Variants in WDFY3 observed in about 807,000 individuals in gnomAD.
WDFY3 encodes the protein WD repeat and FYVE domain-containing protein 3.
In WDFY3, 66 loss-of-function variants were observed where a neutral mutation model predicts 409.6. That is an observed-to-expected ratio of 0.16 (90% CI 0.13 to 0.20). The LOEUF is 0.20. Ranked by LOEUF, WDFY3 falls within the 10% of genes least tolerant of loss-of-function variation. The pLI is 1.00. For synonymous variants in WDFY3, 1,521 were observed against 1,537.1 expected, an observed-to-expected ratio of 0.99 and a Z score of 0.25; for missense variants, 3,031 against 4,298.1, an observed-to-expected ratio of 0.71 and a Z score of 8.24.
intron 30 of WDFY3, among the ~76,000 whole-genome samples, chr4:84,766,972 C>T (rs1349863655): frequency 2.0e-5 from 3 of 152,170 alleles, no homozygotes. Flanking sequence ...GTTCTAGGCC[C>T]AGCTCTCCTC....
chr4:84,875,677 CATT>C (rs1762688710), intron 3 of WDFY3, among the ~76,000 whole-genome samples: 1 of 152,124 alleles, frequency 6.6e-6, no homozygotes, highest in African/African-American at 2.4e-5. Context: ...TTCTTTATAT[CATT>C]ATTCTATAAG....
At chr4:84,915,683 T>C (rs1768383826) in intron 2 of WDFY3, among the ~76,000 whole-genome samples, 1 of 152,210 alleles carries the variant, frequency 6.6e-6, no homozygotes, top group South Asian at 2.1e-4. Flanking sequence ...TAGAATTCTC[T>C]CTTTAAGCCA....
At chr4:84,724,230 T>C (rs139531043) in intron 46 of WDFY3, among the ~76,000 whole-genome samples, 196 bp downstream of exon 46, 6 of 152,308 alleles carry the variant, frequency 3.9e-5, no homozygotes, top group African/African-American at 1.2e-4. Context: ...TGATATTCAT[T>C]TGTAGGCAAT....
At chr4:84,747,722 T>G (rs1299497077) in intron 36 of WDFY3, among the ~76,000 whole-genome samples, 2 of 152,082 alleles carry the variant, frequency 1.3e-5, no homozygotes, top group African/African-American at 4.8e-5. Context: ...CTGATGGTTT[T>G]ATAAGGGGGT....
chr4:84,778,231 G>A (rs1053752427), intron 27 of WDFY3, among the ~76,000 whole-genome samples: 2 of 152,154 alleles, frequency 1.3e-5, no homozygotes, highest in Non-Finnish European at 2.9e-5. Context: ...AACTATGTTT[G>A]ACTCATGTAA....
Position 84,784,879 on chromosome 4 carries a change from TATATATATATATAC to T in WDFY3, c.4062+1086_4062+1099del, listed in dbSNP as rs1482765111. Among the ~76,000 whole-genome samples the T allele has an allele frequency of 4.8e-3, 411 of 84,792 alleles. 5 individuals carry two copies. The East Asian group carries it at 0.076, about 16-fold the overall frequency. The allele number at this position is 84,792 out of a possible 152,430, so 55.6% of individuals were successfully genotyped here. ...ATATGTATATATATATATATATATA[TATATATATATATAC>T]ACACACACACACACACACACACACA... On this transcript the variant is annotated intron_variant, in intron 24 of 67. Coordinates refer to ENST00000295888, the MANE Select transcript of WDFY3 (RefSeq NM_014991.6).
At chr4:84,834,708 T>G (rs1418123669) in intron 7 of WDFY3, among the ~76,000 whole-genome samples, 1 of 152,166 alleles carries the variant, frequency 6.6e-6, no homozygotes, top group Non-Finnish European at 1.5e-5. Flanking sequence ...GTAAGAACTC[T>G]GTTACAAAAG....
Position 84,765,954 on chromosome 4 carries a change from T to C in WDFY3, c.5044A>G (p.Thr1682Ala). Residue 1682 changes from threonine to alanine, a missense_variant, in exon 32 of 68, where the codon ACC becomes GCC. Physicochemically the swap from Thr to Ala is moderately conservative, Grantham distance 58. Around this residue, in one of 16 missense-constraint regions of WDFY3, gnomAD observed 342 missense variants for 463.7 expected, o/e 0.74. Transcript: ENST00000295888. The part of the protein sequence containing the change: ...MMFMEEHLHS[T>A]TVTAAMRILV... ...ATCCTCATGGCTGCTGTAACTGTGG[T>C]GGAATGTAAGTGTTCCTCCATAAAC... 6.2e-7 allele frequency: 1 copy of C among 1,614,038 alleles called. No homozygotes were observed. Among genetic ancestry groups the C allele is most frequent in the Non-Finnish European group, 8.5e-7 (1 of 1,179,966 alleles).
Position 84,672,896 on chromosome 4 carries a change from CCT to C in WDFY3, c.10551_10552del (p.Gly3518PhefsTer35). On this transcript the variant is annotated frameshift_variant, in exon 68 of 68. Transcript: ENST00000295888. LOFTEE classifies it high-confidence loss of function. ...ACAATTTCGAGGCCCATCTTCTGAA[CCT>C]CTCTCATGCTGTAAGTTATAATAAC... 6.2e-7 allele frequency: 1 copy of C among 1,614,114 alleles called. No homozygotes were observed. Among genetic ancestry groups the C allele is most frequent in the Non-Finnish European group, 8.5e-7 (1 of 1,179,998 alleles).
chr4:84,682,251 C>T, intron 64 of WDFY3, 123 bp downstream of exon 64: 1 of 789,842 alleles, frequency 1.3e-6, no homozygotes, highest in South Asian at 1.9e-5. Flanking sequence ...AGGCAGCAAC[C>T]ATGCTTCTCC....
chr4:84,871,777 G>A (rs1158457119), intron 3 of WDFY3, among the ~76,000 whole-genome samples: 1 of 152,068 alleles, frequency 6.6e-6, no homozygotes, highest in Non-Finnish European at 1.5e-5. Context: ...TGGGACTACA[G>A]GAGCATACCA....
At chr4:84,795,218 T>C (rs534541359) in intron 19 of WDFY3, among the ~76,000 whole-genome samples, 4 of 152,196 alleles carry the variant, frequency 2.6e-5, no homozygotes, top group South Asian at 4.1e-4. Flanking sequence ...AAAATGAAGA[T>C]ACAAAATGCA....
Position 84,751,554 on chromosome 4 carries a change from C to T in WDFY3, c.5902G>A (p.Val1968Ile). 1 of 1,614,154 alleles carries T rather than the reference C, an allele frequency of 6.2e-7. No individual in the cohort carries two copies. Among genetic ancestry groups the T allele is most frequent in the Non-Finnish European group, 8.5e-7 (1 of 1,180,024 alleles). ...AKKFVFDFMR[V>I]LIIDNLCLTP... The stretch of plus-strand genomic sequence containing the variant: ...AGACAGAGGTTGTCTATGATTAAGA[C>T]CCGCATGAAGTCAAAAACGAACTTT... Residue 1968 changes from valine (V) to isoleucine (I), a missense_variant, in exon 36 of 68, where the codon GTC (valine) becomes ATC (isoleucine). Val to Ile is a conservative substitution (Grantham distance 29, BLOSUM62 3). Coordinates refer to ENST00000295888, the MANE Select transcript of WDFY3 (RefSeq NM_014991.6).
chr4:84,944,203 A>C (rs921499821), intron 1 of WDFY3, among the ~76,000 whole-genome samples: 2 of 152,176 alleles, frequency 1.3e-5, no homozygotes, highest in African/African-American at 4.8e-5. Flanking sequence ...GTCTTTAATT[A>C]TTCCAAAATT....
At chr4:84,766,114 G>C in intron 31 of WDFY3, 87 bp from the exon 32 acceptor site, 1 of 1,517,912 alleles carries the variant, frequency 6.6e-7, no homozygotes, top group Non-Finnish European at 8.9e-7. Context: ...AAAGAAGACT[G>C]AGTTTCATTC....
At position 84,820,185 on chromosome 4, in the gene WDFY3, C is replaced by T. The variant is rs1023080022; in HGVS notation, c.1593G>A (p.Gly531=). Residue 531 remains glycine, a splice_region_variant and synonymous_variant, in exon 12 of 68, where the codon GGG becomes GGA. Coordinates refer to ENST00000295888, the MANE Select transcript of WDFY3 (RefSeq NM_014991.6). ...KDPTQALNEQ[G]DSRNNSSVED... ...CAACTGAACTATTATTTCTTGAGTC[C>T]CCTAAAAAAAGGTTCAAAGGTCCAA... The T allele has an allele frequency of 3.8e-6, 6 of 1,599,596 alleles. No homozygotes were observed. The African/African-American group carries it at 5.4e-5, about 14-fold the overall frequency.
chr4:84,743,426 G>A (rs1328122262), intron 37 of WDFY3, among the ~76,000 whole-genome samples: 1 of 152,072 alleles, frequency 6.6e-6, no homozygotes, highest in Non-Finnish European at 1.5e-5. Flanking sequence ...GAACAAGAAT[G>A]TTCATAGCAG....
chr4:84,738,265 C>T (rs934396519), intron 40 of WDFY3, among the ~76,000 whole-genome samples: 1 of 151,540 alleles, frequency 6.6e-6, no homozygotes, highest in Non-Finnish European at 1.5e-5. Context: ...CTTCAATATG[C>T]AATCCTTACA....
chr4:84,744,281 A>C (rs1353993062), intron 36 of WDFY3, among the ~76,000 whole-genome samples: 1 of 151,894 alleles, frequency 6.6e-6, no homozygotes, highest in East Asian at 1.9e-4. Flanking sequence ...ATGAATTATA[A>C]AGCCATTAAA....
Sources: allele counts gnomAD v4.1 joint callset (sites outside exome capture counted in the v4.1 genomes callset), GRCh38; gene constraint gnomAD v4.1.1; regional missense constraint gnomAD v4.1.1; transcripts MANE v1.5; gene names NCBI Gene and HGNC (gene_info 2026-07-23, HGNC 2026-07-21).